The following KALRN variants were observed in gnomAD, a reference collection of about 807,000 sequenced individuals.
KALRN encodes the protein kalirin.
KALRN carries 70 observed loss-of-function variants against 353.7 expected under a neutral mutation model. That is an observed-to-expected ratio of 0.20 (90% CI 0.16 to 0.24). The LOEUF is 0.24. Among genes scored for constraint, KALRN ranks in the 10% least tolerant of loss-of-function variants. The pLI is 1.00. For synonymous variants in KALRN, 1,391 were observed against 1,434.8 expected (o/e 0.97, Z 0.69); for missense variants, 2,791 against 3,756.7 (o/e 0.74, Z 6.72).
intron 1 of KALRN, among the ~76,000 whole-genome samples, chr3:124,137,525 A>T (rs974285355): frequency 4.6e-5 from 7 of 152,074 alleles, no homozygotes; most frequent in Non-Finnish European, 1.0e-4. Context: ...GGGGAAATGA[A>T]TGAATGCCAC....
chr3:124,323,646 G>A (rs2079574564), intron 6 of KALRN, among the ~76,000 whole-genome samples: 1 of 152,194 alleles, frequency 6.6e-6, no homozygotes, highest in African/African-American at 2.4e-5. Flanking sequence ...ACAAAGGGCT[G>A]GGTGTCTATA....
At chr3:124,534,747 A>T (rs2068366671) in intron 33 of KALRN, among the ~76,000 whole-genome samples, 1 of 151,722 alleles carries the variant, frequency 6.6e-6, no homozygotes, top group South Asian at 2.1e-4. Flanking sequence ...TCTAAGCAAG[A>T]TAGAGAAGTA....
intron 1 of KALRN, among the ~76,000 whole-genome samples, chr3:124,124,997 C>T (rs1039504361): frequency 7.9e-5 from 12 of 152,126 alleles, no homozygotes; most frequent in South Asian, 2.1e-4. Flanking sequence ...AGAGGGTTTG[C>T]GTTTAACGTT....
intron 1 of KALRN, among the ~76,000 whole-genome samples, chr3:124,063,274 A>G (rs1300033413): frequency 6.6e-6 from 1 of 152,198 alleles, no homozygotes; most frequent in Non-Finnish European, 1.5e-5. Flanking sequence ...TGGCAGCCAG[A>G]TTATATGTGA....
intron 19 of KALRN, among the ~76,000 whole-genome samples, chr3:124,443,127 G>A (rs140119547): frequency 2.1e-4 from 32 of 152,224 alleles, no homozygotes; most frequent in African/African-American, 6.5e-4. Context: ...TAATATCTCC[G>A]AATTCTAGAA....
intron 51 of KALRN, among the ~76,000 whole-genome samples, chr3:124,683,557 C>G (rs1308986539): frequency 6.6e-6 from 1 of 152,190 alleles, no homozygotes; most frequent in Admixed American, 6.5e-5. Flanking sequence ...ACACCAAGCT[C>G]AAGTAATTAC....
chr3:124,533,048 C>T (rs1017733669), intron 33 of KALRN, among the ~76,000 whole-genome samples: 3 of 148,306 alleles, frequency 2.0e-5, no homozygotes, highest in Non-Finnish European at 4.5e-5. Context: ...TAATTATTAT[C>T]TATACTGATA....
At chr3:124,245,585 A>G (rs1232735626) in intron 3 of KALRN, among the ~76,000 whole-genome samples, 1 of 151,928 alleles carries the variant, frequency 6.6e-6, no homozygotes, top group Non-Finnish European at 1.5e-5. Context: ...TAGTTGCTGT[A>G]CTAACTTACA....
chr3:124,568,901 G>A (rs896859531), intron 34 of KALRN, among the ~76,000 whole-genome samples: 2 of 152,304 alleles, frequency 1.3e-5, no homozygotes, highest in East Asian at 3.9e-4. Context: ...ATGTTCTGGA[G>A]ATGGATGGTG....
chr3:124,402,992 A>C (rs1490638886), intron 13 of KALRN, among the ~76,000 whole-genome samples: 1 of 152,210 alleles, frequency 6.6e-6, no homozygotes, highest in Non-Finnish European at 1.5e-5. Flanking sequence ...CTTTTTGTGA[A>C]GGTTAGTTTA....
chr3:124,187,996 T>TA (rs1437869796), intron 1 of KALRN, among the ~76,000 whole-genome samples: 1 of 152,094 alleles, frequency 6.6e-6, no homozygotes, highest in African/African-American at 2.4e-5. Flanking sequence ...GGAAACATTT[T>TA]AAAAAACCCC....
chr3:124,092,143 T>C (rs1457104819), intron 1 of KALRN, among the ~76,000 whole-genome samples: 1 of 152,230 alleles, frequency 6.6e-6, no homozygotes, highest in African/African-American at 2.4e-5. Flanking sequence ...GCACCCATAT[T>C]ATTCTTGACA....
intron 34 of KALRN, among the ~76,000 whole-genome samples, chr3:124,605,626 C>CACACTGT (rs2077268737): frequency 6.6e-6 from 1 of 150,506 alleles, no homozygotes; most frequent in African/African-American, 2.5e-5. Context: ...AGTTTCATCC[C>CACACTGT]ACTGTGGTCC....
chr3:124,340,381 G>T (rs2081571073), intron 9 of KALRN, among the ~76,000 whole-genome samples: 1 of 151,910 alleles, frequency 6.6e-6, no homozygotes, highest in Non-Finnish European at 1.5e-5. Flanking sequence ...AAACTAGCTG[G>T]GTATTGTGGT....
At chr3:124,173,525 C>G (rs2072198371) in intron 1 of KALRN, among the ~76,000 whole-genome samples, 1 of 152,198 alleles carries the variant, frequency 6.6e-6, no homozygotes, top group African/African-American at 2.4e-5. Context: ...GAAGTTTCCT[C>G]TACTTTGTTT....
intron 3 of KALRN, among the ~76,000 whole-genome samples, chr3:124,235,568 C>T (rs576976958): frequency 7.2e-5 from 11 of 152,186 alleles, no homozygotes; most frequent in Admixed American, 7.2e-4. Context: ...TGGGAGAGCC[C>T]TGAGGAGCAA....
intron 33 of KALRN, among the ~76,000 whole-genome samples, chr3:124,522,774 T>C (rs1262789516): frequency 1.3e-5 from 2 of 152,200 alleles, no homozygotes; most frequent in Non-Finnish European, 2.9e-5. Flanking sequence ...GAGGTTCCTG[T>C]TAAAATGAAG....
At position 124,225,036 on chromosome 3, in the gene KALRN, G is replaced by A. The variant is rs183997408; in HGVS notation, c.74-2954G>A. ...AGTCTACCAAGACACGTACCCGATA[G>A]TGAAAACATGTTGCTATTTCATTGG... is the stretch of plus-strand genomic sequence containing the variant. On this transcript the variant is annotated intron_variant, in intron 1 of 59. Transcript: ENST00000682506. Among the ~76,000 whole-genome samples, 1,395 of 152,268 alleles carry A rather than the reference G, an allele frequency of 9.2e-3. 6 individuals are homozygous for A. Among genetic ancestry groups the A allele is most frequent in the Non-Finnish European group, 0.015 (1,028 of 68,022 alleles).
At chr3:124,583,066 G>A (rs977659754) in intron 34 of KALRN, among the ~76,000 whole-genome samples, 25 of 152,186 alleles carry the variant, frequency 1.6e-4, no homozygotes, top group African/African-American at 5.8e-4. Flanking sequence ...TTACAGGCAT[G>A]AGCAACCATG....
Sources: gnomAD v4.1 joint callset for allele counts (sites outside exome capture counted in the v4.1 genomes callset) on GRCh38, gnomAD v4.1.1 for gene constraint, MANE v1.5 for transcripts, NCBI Gene and HGNC (gene_info 2026-07-23, HGNC 2026-07-21) for gene names.